The following CFAP70 variants were observed in gnomAD, a reference collection of about 807,000 sequenced individuals.
The protein encoded by CFAP70 is cilia and flagella associated protein 70, also known as cilia- and flagella-associated protein 70.
In CFAP70, 81 loss-of-function variants were observed where a neutral mutation model predicts 137.6. The ratio of observed to expected loss-of-function variants is 0.59; its 90% confidence interval spans 0.49 to 0.71. The LOEUF (loss-of-function observed/expected upper bound fraction) is 0.71, where lower values mean the gene tolerates loss of function less well. Ranked by LOEUF, CFAP70 falls within the 30% of genes least tolerant of loss-of-function variation. CFAP70 has a pLI of 0.00. For missense variants in CFAP70, 976 were observed against 1,226.7 expected (o/e 0.80, Z 3.05); for synonymous variants, 382 against 423.6 (o/e 0.90, Z 1.20).
intron 5 of CFAP70, among the ~76,000 whole-genome samples, chr10:73,343,026 C>T (rs1183854592): frequency 2.0e-5 from 3 of 151,108 alleles, no homozygotes; most frequent in South Asian, 2.1e-4. Flanking sequence ...CTGGCTAATA[C>T]GGTGAAACCC....
intron 25 of CFAP70, among the ~76,000 whole-genome samples, chr10:73,263,581 A>G (rs972275335): frequency 6.6e-6 from 1 of 152,230 alleles, no homozygotes; most frequent in African/African-American, 2.4e-5. Context: ...ATATCAGGTT[A>G]TGAACTTTTA....
intron 8 of CFAP70, among the ~76,000 whole-genome samples, chr10:73,324,706 C>T (rs530396411): frequency 2.6e-5 from 4 of 152,028 alleles, no homozygotes; most frequent in East Asian, 1.9e-4. Context: ...CCTCAGGAGC[C>T]GATGTGATCA....
In CFAP70 at chr10:73,277,370, A is replaced by G. The variant is rs376143750; in HGVS notation, c.2399-9T>C. ...TTGACATTTTGATGCTTCTGAAAAT[A>G]TTACATTAAAAGGATTGAAGATTGG... On this transcript the variant is annotated splice_polypyrimidine_tract_variant and intron_variant, in intron 20 of 26. Coordinates refer to ENST00000310715, the Ensembl canonical transcript of CFAP70. The G allele has an allele frequency of 6.2e-7, 1 of 1,611,892 alleles. No individual in the cohort carries two copies.
intron 19 of CFAP70, among the ~76,000 whole-genome samples, chr10:73,288,614 C>T (rs934595221): frequency 3.3e-5 from 5 of 152,154 alleles, no homozygotes; most frequent in African/African-American, 9.7e-5. Context: ...GAGCCAGGCC[C>T]TCCCTGACCC....
chr10:73,278,538 G>A (rs533956210), intron 19 of CFAP70, among the ~76,000 whole-genome samples: 2 of 152,262 alleles, frequency 1.3e-5, no homozygotes, highest in South Asian at 4.2e-4. Context: ...TTCTGTCACT[G>A]TGACTCCCCA....
Position 73,331,291 on chromosome 10 carries a change from T to C in CFAP70, c.678-15A>G. Reference sequence around the variant, plus strand: ...GCTTCTGAAAACTGCAAATCAAGAATCAGTCCATTAGCATTATATGCAAAA... The same window carrying C: ...GCTTCTGAAAACTGCAAATCAAGAACCAGTCCATTAGCATTATATGCAAAA... On this transcript the variant is annotated splice_polypyrimidine_tract_variant and intron_variant, in intron 7 of 26. Coordinates refer to ENST00000310715, the Ensembl canonical transcript of CFAP70. The C allele has an allele frequency of 6.2e-7, 1 of 1,605,770 alleles. No individual in the cohort carries two copies. Among genetic ancestry groups the C allele is most frequent in the South Asian group, 1.1e-5 (1 of 90,318 alleles).
upstream of CFAP70, among the ~76,000 whole-genome samples, chr10:73,361,848 C>T (rs2055021696): frequency 6.6e-6 from 1 of 150,712 alleles, no homozygotes; most frequent in African/African-American, 2.5e-5. Flanking sequence ...ATGAAAACCC[C>T]AACTGTTTTT....
intron 6 of CFAP70, among the ~76,000 whole-genome samples, chr10:73,339,670 A>G (rs2132397291): frequency 6.6e-6 from 1 of 152,342 alleles, no homozygotes; most frequent in South Asian, 2.1e-4. Flanking sequence ...GCTGCAGCAG[A>G]GCCGGCAGCT....
At chr10:73,345,990 C>A (rs1474562887) in intron 4 of CFAP70, among the ~76,000 whole-genome samples, 1 of 151,520 alleles carries the variant, frequency 6.6e-6, no homozygotes, top group African/African-American at 2.4e-5. Context: ...ACCCCGCCTC[C>A]TGGGTTCAAG....
intron 19 of CFAP70, among the ~76,000 whole-genome samples, chr10:73,280,138 T>C (rs1257409066): frequency 1.3e-5 from 2 of 152,168 alleles, no homozygotes; most frequent in Admixed American, 6.5e-5. Flanking sequence ...ATCTTTTCTA[T>C]ATGTTGCTGA....
At chr10:73,356,135 AG>A (rs2054658695) in intron 1 of CFAP70, among the ~76,000 whole-genome samples, 1 of 152,014 alleles carries the variant, frequency 6.6e-6, no homozygotes. Flanking sequence ...TACAATACTA[AG>A]GGCACAAACA....
chr10:73,361,290 G>A (rs759643735), upstream of CFAP70, among the ~76,000 whole-genome samples: 8 of 147,360 alleles, frequency 5.4e-5, no homozygotes, highest in Middle Eastern at 3.5e-3. Context: ...CACCATGCCC[G>A]GCCTTTTTTT....
At chr10:73,291,431 T>C (rs2048174348) in exon 19 of CFAP70, 3 of 1,614,026 alleles carry the variant, frequency 1.9e-6, no homozygotes, top group Non-Finnish European at 2.5e-6. Context: ...TGTTTTGAAT[T>C]TCATAGTACA....
chr10:73,310,309 T>A, intron 11 of CFAP70, 60 bp from the exon 13 acceptor site: 1 of 1,165,262 alleles, frequency 8.6e-7, no homozygotes, highest in Non-Finnish European at 1.2e-6. Flanking sequence ...AAAAATTTAG[T>A]AACATAAGAT....
chr10:73,289,439 C>T (rs541838607), intron 19 of CFAP70, among the ~76,000 whole-genome samples: 19 of 151,998 alleles, frequency 1.3e-4, no homozygotes, highest in Admixed American at 9.2e-4. Flanking sequence ...GCCTGTGCCA[C>T]GGGTCCAGCT....
intron 25 of CFAP70, among the ~76,000 whole-genome samples, chr10:73,267,775 G>A (rs1325723103): frequency 1.3e-5 from 2 of 152,164 alleles, no homozygotes; most frequent in African/African-American, 4.8e-5. Context: ...TTATTTGCAG[G>A]CTCTGGAGAA....
At chr10:73,269,295 A>G (rs2046044651) in intron 25 of CFAP70, among the ~76,000 whole-genome samples, 1 of 152,206 alleles carries the variant, frequency 6.6e-6, no homozygotes, top group African/African-American at 2.4e-5. Flanking sequence ...CAGCATTTCA[A>G]TGGGAAGAAA....
intron 25 of CFAP70, among the ~76,000 whole-genome samples, chr10:73,266,695 A>G (rs540081941): frequency 6.6e-6 from 1 of 152,294 alleles, no homozygotes; most frequent in South Asian, 2.1e-4. Context: ...AGTTTTTAAA[A>G]TAATTAATAG....
At chr10:73,317,778 G>A (rs935264339) in intron 9 of CFAP70, among the ~76,000 whole-genome samples, 2 of 152,118 alleles carry the variant, frequency 1.3e-5, no homozygotes, top group Non-Finnish European at 2.9e-5. Context: ...GGGTGACAGA[G>A]TGAGAAGACC....
Sources: allele counts gnomAD v4.1 joint callset (sites outside exome capture counted in the v4.1 genomes callset), GRCh38; gene constraint gnomAD v4.1.1; transcripts MANE v1.5; gene names NCBI Gene and HGNC (gene_info 2026-07-23, HGNC 2026-07-21).